SAP130: variants seen among roughly 807,000 people sequenced by gnomAD.
SAP130 encodes the protein histone deacetylase complex subunit SAP130.
SAP130 carries 16 observed loss-of-function variants against 103.2 expected under a neutral mutation model. The ratio of observed to expected loss-of-function variants is 0.16; its 90% CI spans 0.10 to 0.24. SAP130 has a LOEUF of 0.24. Among genes scored for constraint, SAP130 ranks in the 10% least tolerant of loss-of-function variants. The pLI is 1.00. For missense variants in SAP130, 990 were observed against 1,359.7 expected, an observed-to-expected ratio of 0.73 and a Z score of 4.28; for synonymous variants, 477 against 497.0, an observed-to-expected ratio of 0.96 and a Z score of 0.53.
At chr2:128,014,636 CTT>C (rs1185866700) in intron 5 of SAP130, among the ~76,000 whole-genome samples, 165 bp downstream of exon 5, 1 of 152,126 alleles carries the variant, frequency 6.6e-6, no homozygotes, top group Admixed American at 6.6e-5. Flanking sequence ...AGCACCTGGC[CTT>C]TTTTTCTTTT....
At chr2:127,950,886 G>A (rs1223609227) in intron 16 of SAP130, among the ~76,000 whole-genome samples, 1 of 152,196 alleles carries the variant, frequency 6.6e-6, no homozygotes, top group Non-Finnish European at 1.5e-5. Context: ...AGAGGTGGAA[G>A]GAGCCTGGCT....
intron 14 of SAP130, among the ~76,000 whole-genome samples, chr2:127,981,378 G>A (rs1304337929): frequency 4.7e-5 from 1 of 21,266 alleles, no homozygotes. Context: ...CCCTCACCCC[G>A]ACCCAGTCCT....
In SAP130 at chr2:128,010,294, C is replaced by A; in HGVS notation, c.844G>T (p.Ala282Ser). 6.2e-7 allele frequency: 1 copy of A among 1,613,760 alleles called. No individual in the cohort carries two copies. The highest frequency in any genetic ancestry group is 8.5e-7 in the Non-Finnish European group (1 of 1,179,898). Residue 282 changes from alanine to serine, a missense_variant, in exon 7 of 21, where the codon GCG becomes TCG. Coordinates refer to ENST00000643581, the MANE Select transcript of SAP130 (RefSeq NM_001330301.2). Reference sequence around the variant, plus strand: ...CTAAGTGCTGAATCAGTAGCATGCGCCGCTGTCGTAGTGATGACTGGAGAC... The same window carrying A: ...CTAAGTGCTGAATCAGTAGCATGCGACGCTGTCGTAGTGATGACTGGAGAC... The part of the protein sequence containing the change: ...AQSPVITTTA[A>S]HATDSALSRP...
At chr2:127,945,355 G>A in intron 19 of SAP130, 101 bp downstream of exon 19, 1 of 695,462 alleles carries the variant, frequency 1.4e-6, no homozygotes, top group Admixed American at 2.3e-5. Flanking sequence ...TGTTAGCTGG[G>A]AATGCTTCAG....
chr2:127,965,382 C>T (rs1405286461), intron 15 of SAP130, among the ~76,000 whole-genome samples: 1 of 152,188 alleles, frequency 6.6e-6, no homozygotes, highest in Non-Finnish European at 1.5e-5. Flanking sequence ...GGGAGGATCA[C>T]TCAAGCCTGG....
chr2:128,027,123 G>C lies in SAP130; in HGVS notation c.-7+817C>G, dbSNP rs760432054. 3.6e-6 allele frequency: 5 copies of C among 1,400,266 alleles called. No homozygotes were observed. Among genetic ancestry groups the C allele is most frequent in the Non-Finnish European group, 4.7e-6 (5 of 1,062,332 alleles). 86.7% of individuals were successfully genotyped at this position (1,400,266 alleles called of 1,614,324 possible). On this transcript the variant is annotated intron_variant, in intron 1 of 20. Transcript: ENST00000643581. ...CCGCCGCCCGCCGCCCGCACCGCCC[G>C]CTTCTATCTCGCCGGCCTGGGGGTG...
chr2:127,956,461 G>A (rs889846553), intron 15 of SAP130, among the ~76,000 whole-genome samples: 1 of 151,528 alleles, frequency 6.6e-6, no homozygotes, highest in Non-Finnish European at 1.5e-5. Context: ...AAAGTTGGGT[G>A]CAGTCTTCCG....
chr2:127,950,150 T>G lies in SAP130; in HGVS notation c.2671+10A>C. The G allele has an allele frequency of 6.2e-7, 1 of 1,614,168 alleles. No homozygotes were observed. Among genetic ancestry groups the G allele is most frequent in the Non-Finnish European group, 8.5e-7 (1 of 1,179,980 alleles). ...AAGCATCATAACACAAGTCAGCCTG[T>G]GACCATTACCAATATACTCCTTGGG... On this transcript the variant is annotated intron_variant, in intron 17 of 20. Transcript: ENST00000643581.
chr2:127,983,468 C>T (rs1296235488), intron 14 of SAP130, among the ~76,000 whole-genome samples: 1 of 152,158 alleles, frequency 6.6e-6, no homozygotes, highest in African/African-American at 2.4e-5. Context: ...GGACACCCTG[C>T]CTACCTCCAG....
In SAP130 at chr2:128,026,226, T is replaced by C. The variant is rs911224695; in HGVS notation, c.67A>G (p.Ile23Val). 2 of 1,614,152 alleles carry C rather than the reference T, an allele frequency of 1.2e-6. No homozygotes were observed. Among genetic ancestry groups the C allele is most frequent in the East Asian group, 4.5e-5 (2 of 44,872 alleles). ...AATCCAGCAGAACCACTGTTTGCAATCTGAGAAGGGGCCTGGCTCAGCCCG... is the reference window on the plus strand; with the variant it reads ...AATCCAGCAGAACCACTGTTTGCAACCTGAGAAGGGGCCTGGCTCAGCCCG... ...STGLSQAPSQ[I>V]ANSGSAGLIN... Residue 23 changes from isoleucine to valine, a missense_variant, in exon 2 of 21, where the codon ATT becomes GTT. Around this residue, in one of 6 missense-constraint regions of SAP130, gnomAD observed 167 missense variants for 187.4 expected, o/e 0.89. Transcript: ENST00000643581.
chr2:127,947,791 T>TGTGTGTGTGTGTGC (rs1679209909), intron 18 of SAP130, among the ~76,000 whole-genome samples: 1 of 152,204 alleles, frequency 6.6e-6, no homozygotes, highest in East Asian at 1.9e-4. Context: ...TGTGTGTGTG[T>TGTGTGTGTGTGTGC]GTGTGTGTGT....
intron 7 of SAP130, among the ~76,000 whole-genome samples, chr2:128,009,935 A>G (rs1480094509): frequency 6.6e-6 from 1 of 152,136 alleles, no homozygotes; most frequent in African/African-American, 2.4e-5. Flanking sequence ...TTATCAACAA[A>G]GCCCTCTCCG....
intron 7 of SAP130, among the ~76,000 whole-genome samples, chr2:128,000,919 A>G (rs1024901090): frequency 1.3e-5 from 2 of 151,958 alleles, no homozygotes; most frequent in African/African-American, 4.8e-5. Flanking sequence ...TAAAAATAAA[A>G]TAATTGCACT....
intron 7 of SAP130, among the ~76,000 whole-genome samples, chr2:128,007,095 A>G (rs879489253): frequency 6.6e-6 from 1 of 152,262 alleles, no homozygotes; most frequent in Non-Finnish European, 1.5e-5. Flanking sequence ...ATACTTTGAC[A>G]AAACGATTAA....
At chr2:128,008,653 G>A (rs975935783) in intron 7 of SAP130, among the ~76,000 whole-genome samples, 17 of 150,530 alleles carry the variant, frequency 1.1e-4, no homozygotes, top group African/African-American at 2.4e-4. Context: ...TTACGGGCAC[G>A]AGCCACTGCA....
At chr2:128,011,280 A>G (rs1684379368) in intron 6 of SAP130, among the ~76,000 whole-genome samples, 1 of 152,216 alleles carries the variant, frequency 6.6e-6, no homozygotes, top group Non-Finnish European at 1.5e-5. Context: ...ATGTTTTCAC[A>G]TGGACAGAGT....
intron 7 of SAP130, among the ~76,000 whole-genome samples, chr2:128,008,855 T>C (rs1432630558): frequency 6.6e-6 from 1 of 151,974 alleles, no homozygotes; most frequent in African/African-American, 2.4e-5. Context: ...CTGGCTACTT[T>C]TTTATTTTTT....
rs538572551 is a variant in SAP130 at position 127,968,785 on chromosome 2, G to A, written c.2063+9200C>T. On this transcript the variant is annotated intron_variant, in intron 15 of 20. Coordinates refer to ENST00000643581, the MANE Select transcript of SAP130 (RefSeq NM_001330301.2). ...CCCACCTCAGCCTCCCAAAGCGCTG[G>A]GATTAGTGAGGGCACTGTGCCCAGC... Among the ~76,000 whole-genome samples the A allele has an allele frequency of 5.9e-5, 9 of 152,158 alleles. No homozygotes were observed. In the East Asian group the frequency reaches 1.8e-3, roughly 30 times the overall value.
intron 12 of SAP130, among the ~76,000 whole-genome samples, chr2:127,992,040 TG>T (rs1312432227): frequency 6.6e-6 from 1 of 152,184 alleles, no homozygotes; most frequent in African/African-American, 2.4e-5. Flanking sequence ...GGCGCCATCA[TG>T]GCTCACTGCA....
Sources: allele counts gnomAD v4.1 joint callset (sites outside exome capture counted in the v4.1 genomes callset), GRCh38; gene constraint gnomAD v4.1.1; regional missense constraint gnomAD v4.1.1; transcripts MANE v1.5; gene names NCBI Gene and HGNC (gene_info 2026-07-23, HGNC 2026-07-21).